ACYP2: variants seen among roughly 807,000 people sequenced by gnomAD.
ACYP2 encodes acylphosphatase-2.
A neutral mutation model predicts 11.2 loss-of-function variants in ACYP2; 12 were observed. The ratio of observed to expected loss-of-function variants is 1.08; its 90% CI spans 0.69 to 1.74. The LOEUF is 1.74. Among genes scored for constraint, ACYP2 ranks in the 40% most tolerant of loss-of-function variants. The pLI is 0.00. For synonymous variants in ACYP2, 43 were observed against 32.2 expected (o/e 1.33, Z -1.13); for missense variants, 134 against 101.9 (o/e 1.31, Z -1.35).
intron 6 of ACYP2, among the ~76,000 whole-genome samples, chr2:54,234,599 C>T (rs1034625901): frequency 3.9e-5 from 6 of 152,220 alleles, no homozygotes; most frequent in African/African-American, 7.2e-5. Flanking sequence ...ATTGTGTAAG[C>T]TGAACCAATT....
At chr2:54,037,425 T>A (rs1165558674) in intron 2 of ACYP2, among the ~76,000 whole-genome samples, 1 of 152,158 alleles carries the variant, frequency 6.6e-6, no homozygotes, top group African/African-American at 2.4e-5. Context: ...TGTTTTGTTT[T>A]TTTGAGACAG....
rs763983195 is a variant in ACYP2 at position 54,255,674 on chromosome 2, C to T, written c.405-49014C>T. 3.1e-6 allele frequency: 5 copies of T among 1,613,792 alleles called. No homozygotes were observed. In the African/African-American group the frequency reaches 6.7e-5, roughly 22 times the overall value. ...CCTCCTGGCTTCTCATCCACTGGGGCTGAGAACATGGCACACTCCTCAGGC... is the reference window on the plus strand; with the variant it reads ...CCTCCTGGCTTCTCATCCACTGGGGTTGAGAACATGGCACACTCCTCAGGC... On this transcript the variant is annotated intron_variant, in intron 6 of 6. Coordinates refer to ENST00000607452, the MANE Select transcript of ACYP2 (RefSeq NM_001320586.2).
chr2:54,109,749 ATATAG>A (rs564473376), intron 4 of ACYP2, among the ~76,000 whole-genome samples: 111 of 152,266 alleles, frequency 7.3e-4, no homozygotes, highest in African/African-American at 2.6e-3. Flanking sequence ...ATTATTGTGA[ATATAG>A]TAGAGTTCCC....
intron 6 of ACYP2, among the ~76,000 whole-genome samples, chr2:54,214,392 T>C (rs1685467118): frequency 6.6e-6 from 1 of 152,246 alleles, no homozygotes; most frequent in Non-Finnish European, 1.5e-5. Context: ...TTTAAGTCTT[T>C]AATCCATCTT....
chr2:54,023,696 A>G (rs1674120962), intron 2 of ACYP2, among the ~76,000 whole-genome samples: 1 of 152,202 alleles, frequency 6.6e-6, no homozygotes, highest in Non-Finnish European at 1.5e-5. Flanking sequence ...TTTTAAAAAT[A>G]AACTTAAAGT....
chr2:54,206,240 C>T (rs984214484), intron 6 of ACYP2, among the ~76,000 whole-genome samples: 4 of 152,214 alleles, frequency 2.6e-5, no homozygotes, highest in East Asian at 1.9e-4. Context: ...CTCAGTATAT[C>T]GTTGTAATTT....
intron 4 of ACYP2, among the ~76,000 whole-genome samples, chr2:54,069,906 T>C (rs1364486152): frequency 6.6e-6 from 1 of 152,218 alleles, no homozygotes; most frequent in African/African-American, 2.4e-5. Flanking sequence ...GAAGATATTG[T>C]GCTGGGAATA....
chr2:54,226,142 A>G (rs935227451), intron 6 of ACYP2, among the ~76,000 whole-genome samples: 2 of 152,234 alleles, frequency 1.3e-5, no homozygotes, highest in Non-Finnish European at 2.9e-5. Context: ...GACTGGCACC[A>G]GTGTGGCCGA....
chr2:54,143,827 T>G (rs781340519), intron 6 of ACYP2, among the ~76,000 whole-genome samples: 42 of 151,246 alleles, frequency 2.8e-4, no homozygotes, highest in Non-Finnish European at 4.1e-4. Flanking sequence ...TTAGGAAGTT[T>G]TCCATCCTTC....
chr2:54,126,430 T>C (rs1680509397), intron 4 of ACYP2, among the ~76,000 whole-genome samples: 1 of 152,144 alleles, frequency 6.6e-6, no homozygotes, highest in Admixed American at 6.5e-5. Flanking sequence ...ATCACCACTG[T>C]ATATGCAGTC....
At chr2:54,115,626 C>A in intron 4 of ACYP2, 2 of 1,568,252 alleles carry the variant, frequency 1.3e-6, no homozygotes, top group Non-Finnish European at 1.7e-6. Flanking sequence ...TGTGTCCCCT[C>A]CCTCTCGCAG....
intron 5 of ACYP2, among the ~76,000 whole-genome samples, chr2:54,137,751 ATG>A (rs1260843788): frequency 6.6e-6 from 1 of 152,114 alleles, no homozygotes; most frequent in Non-Finnish European, 1.5e-5. Context: ...ATATGTGTGT[ATG>A]TGTGTTTATG....
chr2:54,164,011 A>C (rs1682844215), intron 6 of ACYP2, among the ~76,000 whole-genome samples: 1 of 152,226 alleles, frequency 6.6e-6, no homozygotes, highest in East Asian at 1.9e-4. Context: ...ATGCCTGTGA[A>C]AGTTAATTAC....
rs76397255 is a variant in ACYP2 at position 54,255,566 on chromosome 2, G to GGGGCCC, written c.405-49109_405-49104dup. The GGGGCCC allele has an allele frequency of 2.3e-3, 3,769 of 1,612,674 alleles. 60 individuals carry two copies. In the African/African-American group the frequency reaches 0.035, roughly 15 times the overall value. ...GGGTTCAGGTGGAGACCCACGTTCA[G>GGGGCCC]GGGCCCGGGCCCGGGCCCAGGCCCT... is the stretch of plus-strand genomic sequence containing the variant. On this transcript the variant is annotated intron_variant, in intron 6 of 6. Transcript: ENST00000607452.
intron 6 of ACYP2, among the ~76,000 whole-genome samples, chr2:54,162,812 A>AAAC (rs765986632): frequency 6.6e-6 from 1 of 151,996 alleles, no homozygotes. Context: ...ACAACAACAA[A>AAAC]AACAACAACA....
intron 2 of ACYP2, among the ~76,000 whole-genome samples, chr2:54,003,723 A>G (rs1672917958): frequency 6.6e-6 from 1 of 152,190 alleles, no homozygotes; most frequent in South Asian, 2.1e-4. Flanking sequence ...TTGTGTGAAC[A>G]TGTTTCAACT....
intron 6 of ACYP2, among the ~76,000 whole-genome samples, chr2:54,171,922 G>C (rs1440690336): frequency 6.6e-6 from 1 of 152,066 alleles, no homozygotes; most frequent in Non-Finnish European, 1.5e-5. Context: ...TTTAAAAATT[G>C]ATATTCTTGG....
intron 6 of ACYP2, among the ~76,000 whole-genome samples, chr2:54,244,629 T>C (rs976553353): frequency 6.6e-6 from 1 of 152,240 alleles, no homozygotes; most frequent in South Asian, 2.1e-4. Flanking sequence ...GTGTCAGGAA[T>C]ACACCTTCAA....
intron 6 of ACYP2, among the ~76,000 whole-genome samples, chr2:54,208,689 T>TG (rs1445482921): frequency 7.4e-6 from 1 of 134,934 alleles, no homozygotes; most frequent in Non-Finnish European, 1.6e-5. Context: ...GTTTAGATTT[T>TG]GAAAAAAAAG....
Sources: allele counts gnomAD v4.1 joint callset (sites outside exome capture counted in the v4.1 genomes callset), GRCh38; gene constraint gnomAD v4.1.1; transcripts MANE v1.5; gene names NCBI Gene and HGNC (gene_info 2026-07-23, HGNC 2026-07-21).